Variants in MATN2 observed in about 807,000 individuals in gnomAD.
MATN2 encodes matrilin 2.
In MATN2, 69 loss-of-function variants were observed where a neutral mutation model predicts 103.2. That is an observed-to-expected ratio of 0.67 (90% confidence interval 0.55 to 0.82). The LOEUF (loss-of-function observed/expected upper bound fraction) is 0.82. Among genes scored for constraint, MATN2 ranks in the 40% least tolerant of loss-of-function variants. The pLI, the probability that MATN2 is intolerant of heterozygous loss-of-function variation, is 0.00. For synonymous variants in MATN2, 429 were observed against 450.2 expected (o/e 0.95, Z 0.60); for missense variants, 1,023 against 1,211.5 (o/e 0.84, Z 2.31).
At chr8:98,031,269 T>C (rs2130455533) in intron 15 of MATN2, among the ~76,000 whole-genome samples, 1 of 150,840 alleles carries the variant, frequency 6.6e-6, no homozygotes, top group East Asian at 2.0e-4. Flanking sequence ...GCCCTGGAGG[T>C]CACGGCTTCA....
intron 2 of MATN2, among the ~76,000 whole-genome samples, chr8:97,919,813 C>T (rs1048185698): frequency 2.0e-5 from 3 of 152,178 alleles, no homozygotes; most frequent in Non-Finnish European, 4.4e-5. Flanking sequence ...GGCCAGGTAG[C>T]TGCATGTGTG....
At chr8:98,028,379 T>C (rs980323318) in intron 14 of MATN2, among the ~76,000 whole-genome samples, 1 of 152,202 alleles carries the variant, frequency 6.6e-6, no homozygotes, top group Non-Finnish European at 1.5e-5. Context: ...TAAGCTCTTG[T>C]TGCTCAGTAA....
At chr8:97,878,924 T>C (rs1307668065) in intron 1 of MATN2, among the ~76,000 whole-genome samples, 1 of 152,174 alleles carries the variant, frequency 6.6e-6, no homozygotes, top group Non-Finnish European at 1.5e-5. Flanking sequence ...ACATAGTACG[T>C]AGAGGAAGAC....
At chr8:97,870,194 A>G (rs984814914) in intron 1 of MATN2, among the ~76,000 whole-genome samples, 1 of 152,254 alleles carries the variant, frequency 6.6e-6, no homozygotes, top group African/African-American at 2.4e-5. Flanking sequence ...TCTAATGAGG[A>G]TGGTAATACC....
chr8:98,023,821 A>C (rs1813688052), intron 13 of MATN2, among the ~76,000 whole-genome samples: 1 of 152,256 alleles, frequency 6.6e-6, no homozygotes, highest in Non-Finnish European at 1.5e-5. Flanking sequence ...CTGGATAAAG[A>C]AAATGTGATA....
chr8:97,910,642 G>A (rs1336240451), intron 2 of MATN2, among the ~76,000 whole-genome samples: 1 of 152,170 alleles, frequency 6.6e-6, no homozygotes, highest in African/African-American at 2.4e-5. Flanking sequence ...AGGCATGCAG[G>A]TTGTACTCTT....
intron 2 of MATN2, among the ~76,000 whole-genome samples, chr8:97,925,298 A>C (rs1026551057): frequency 6.6e-6 from 1 of 152,150 alleles, no homozygotes; most frequent in Non-Finnish European, 1.5e-5. Flanking sequence ...CTCCTAAGTT[A>C]GGTTTTCAAT....
intron 2 of MATN2, among the ~76,000 whole-genome samples, chr8:97,904,829 G>T (rs926960359): frequency 9.0e-6 from 1 of 111,098 alleles, no homozygotes; most frequent in Non-Finnish European, 1.9e-5. Flanking sequence ...TGGGATCCAT[G>T]TCCCTCAAAG....
intron 2 of MATN2, among the ~76,000 whole-genome samples, chr8:97,918,669 G>A (rs1177418550): frequency 6.6e-6 from 1 of 152,198 alleles, no homozygotes; most frequent in Non-Finnish European, 1.5e-5. Context: ...TGTGTCTTGA[G>A]TTGAGCTTTA....
chr8:97,870,749 G>A (rs929091604), intron 1 of MATN2, among the ~76,000 whole-genome samples: 2 of 152,126 alleles, frequency 1.3e-5, no homozygotes, highest in African/African-American at 2.4e-5. Context: ...CCACACGGGC[G>A]CAGTTCTCCC....
chr8:97,998,519 CAAAAA>C lies in MATN2; in HGVS notation c.1204+3935_1204+3939del, dbSNP rs58751449. Among the ~76,000 whole-genome samples the C allele has an allele frequency of 6.4e-3, 712 of 111,210 alleles. 4 individuals are homozygous for C. The highest frequency in any genetic ancestry group is 0.02 in the African/African-American group (604 of 30,766). 73.0% of individuals were successfully genotyped at this position (111,210 alleles called of 152,430 possible). A position where few individuals can be genotyped will look rare whatever the true frequency, so the allele number is the denominator to read the frequency against. ...CCTGGGCGACAGTGAGACTCTGTCT[CAAAAA>C]AAAAAAAAAAAAAAAAATCTTGCTT... On this transcript the variant is annotated intron_variant, in intron 7 of 18. Transcript: ENST00000254898.
intron 3 of MATN2, among the ~76,000 whole-genome samples, chr8:97,939,342 G>A (rs1407128334): frequency 1.3e-5 from 2 of 151,990 alleles, no homozygotes; most frequent in African/African-American, 2.4e-5. Flanking sequence ...ATTTTAAACC[G>A]CAAAATCACT....
chr8:97,975,173 G>A (rs891221739), intron 5 of MATN2, among the ~76,000 whole-genome samples: 1 of 152,232 alleles, frequency 6.6e-6, no homozygotes, highest in Non-Finnish European at 1.5e-5. Flanking sequence ...ACTGCCTTGA[G>A]TGTGTAGCAT....
At chr8:98,028,437 T>C (rs1486085244) in intron 14 of MATN2, among the ~76,000 whole-genome samples, 1 of 152,134 alleles carries the variant, frequency 6.6e-6, no homozygotes, top group Admixed American at 6.5e-5. Flanking sequence ...GTTACTTCAG[T>C]TGTACAGATG....
chr8:97,960,630 C>T (rs938938514), intron 4 of MATN2, among the ~76,000 whole-genome samples: 1 of 152,180 alleles, frequency 6.6e-6, no homozygotes, highest in African/African-American at 2.4e-5. Context: ...TTACCTCTAC[C>T]TAACCTCTTT....
intron 6 of MATN2, among the ~76,000 whole-genome samples, chr8:97,989,764 A>T (rs1812330062): frequency 6.6e-6 from 1 of 152,246 alleles, no homozygotes. Context: ...GGAATCTATT[A>T]AAAAGCTACT....
intron 6 of MATN2, among the ~76,000 whole-genome samples, chr8:97,983,970 A>G (rs1281423334): frequency 2.0e-5 from 3 of 152,252 alleles, no homozygotes; most frequent in African/African-American, 7.2e-5. Context: ...CTGAATCAGC[A>G]ATAGAAGAAC....
chr8:97,871,465 G>C (rs1377695050), intron 1 of MATN2, among the ~76,000 whole-genome samples: 2 of 152,208 alleles, frequency 1.3e-5, no homozygotes, highest in Non-Finnish European at 2.9e-5. Flanking sequence ...AGTTGGCAGA[G>C]AGCCTCTAGT....
At chr8:97,873,530 C>T (rs549931990) in intron 1 of MATN2, among the ~76,000 whole-genome samples, 7 of 152,044 alleles carry the variant, frequency 4.6e-5, no homozygotes, top group Non-Finnish European at 8.8e-5. Context: ...CAGGGTTTCA[C>T]CATGTTGGCC....
Sources: gnomAD v4.1 joint callset for allele counts (sites outside exome capture counted in the v4.1 genomes callset) on GRCh38, gnomAD v4.1.1 for gene constraint, MANE v1.5 for transcripts, NCBI Gene and HGNC (gene_info 2026-07-23, HGNC 2026-07-21) for gene names.